YAE1: variants seen among roughly 807,000 people sequenced by gnomAD.
YAE1 encodes the protein protein YAE1 homolog.
YAE1 carries 22 observed loss-of-function variants against 23.0 expected under a neutral mutation model. That is an observed-to-expected ratio of 0.96 (90% confidence interval 0.68 to 1.37). The LOEUF (loss-of-function observed/expected upper bound fraction) is 1.37. YAE1 is among the 40% of genes most tolerant of loss of function. YAE1 has a pLI of 0.00. For missense variants in YAE1, 260 were observed against 262.1 expected (o/e 0.99, Z 0.06); for synonymous variants, 101 against 97.0 (o/e 1.04, Z -0.24).
chr7:39,594,201 G>A (rs1329810180), intron 2 of YAE1, among the ~76,000 whole-genome samples: 1 of 152,214 alleles, frequency 6.6e-6, no homozygotes, highest in Non-Finnish European at 1.5e-5. Flanking sequence ...CACAGGGATA[G>A]TGCAGGAATC....
At chr7:39,584,497 AAC>A (rs1790785321) in intron 2 of YAE1, among the ~76,000 whole-genome samples, 1 of 150,312 alleles carries the variant, frequency 6.7e-6, no homozygotes, top group South Asian at 2.1e-4. Context: ...TTTAAATGTA[AAC>A]ACAGTATTTT....
intron 2 of YAE1, among the ~76,000 whole-genome samples, chr7:39,608,286 A>G (rs1791158691): frequency 6.6e-6 from 1 of 152,250 alleles, no homozygotes. Context: ...TATTCAGCAC[A>G]GCACCCTAGG....
At chr7:39,608,252 A>G (rs1791158253) in intron 2 of YAE1, among the ~76,000 whole-genome samples, 1 of 152,252 alleles carries the variant, frequency 6.6e-6, no homozygotes, top group South Asian at 2.1e-4. Flanking sequence ...AAGCCTTTCA[A>G]TAATTTATTT....
intron 2 of YAE1, among the ~76,000 whole-genome samples, chr7:39,586,587 T>C (rs1349053449): frequency 6.6e-6 from 1 of 150,668 alleles, no homozygotes; most frequent in East Asian, 2.0e-4. Flanking sequence ...AAGCTCCGCC[T>C]CCCAGGTTGA....
At chr7:39,604,243 A>T (rs1169239096) in intron 2 of YAE1, among the ~76,000 whole-genome samples, 1 of 152,224 alleles carries the variant, frequency 6.6e-6, no homozygotes, top group East Asian at 1.9e-4. Context: ...CTTTTGAAAA[A>T]TTTGGAAACC....
intron 1 of YAE1, among the ~76,000 whole-genome samples, chr7:39,567,492 C>T (rs1411422679): frequency 6.6e-6 from 1 of 152,076 alleles, no homozygotes; most frequent in Non-Finnish European, 1.5e-5. Flanking sequence ...TTTCCTCTCT[C>T]TGCTTTGCCC....
intron 1 of YAE1, among the ~76,000 whole-genome samples, chr7:39,567,875 T>A (rs1790499745): frequency 6.6e-6 from 1 of 152,164 alleles, no homozygotes; most frequent in African/African-American, 2.4e-5. Flanking sequence ...GTATTTATGG[T>A]TTTCCCCCTT....
At chr7:39,597,970 C>T (rs1047722727) in intron 2 of YAE1, among the ~76,000 whole-genome samples, 5 of 151,826 alleles carry the variant, frequency 3.3e-5, no homozygotes, top group South Asian at 2.1e-4. Context: ...TCTTTTTTTT[C>T]TTTTTTCTTT....
chr7:39,572,393 C>T lies in YAE1; in HGVS notation c.368C>T (p.Ser123Leu), dbSNP rs79951226. 1.1e-3 allele frequency: 1,765 copies of T among 1,614,122 alleles called. 10 individuals carry two copies. The East Asian group carries it at 0.013, about 12-fold the overall frequency. Residue 123 changes from serine to leucine, a missense_variant, in exon 3 of 3, where the codon TCA (serine) becomes TTA (leucine). Physicochemically the swap from Ser to Leu is moderately radical, Grantham distance 145. Transcript: ENST00000223273. ...GAGTATGTGCTCAAACATCTGAAAT[C>T]AATCACTCCACCGTCCCATGTTGTA... ...CEEYVLKHLK[S>L]ITPPSHVVDL...
At chr7:39,599,117 A>G (rs1198233885) in intron 2 of YAE1, among the ~76,000 whole-genome samples, 1 of 151,936 alleles carries the variant, frequency 6.6e-6, no homozygotes, top group African/African-American at 2.4e-5. Flanking sequence ...GTGCATGGCT[A>G]TAATCCCAGC....
downstream of YAE1, among the ~76,000 whole-genome samples, chr7:39,577,411 A>G (rs1294333052): frequency 1.3e-5 from 2 of 152,164 alleles, no homozygotes; most frequent in Admixed American, 6.5e-5. Flanking sequence ...CGAGGCCGGA[A>G]CCGGCTCCCT....
At chr7:39,599,807 T>A (rs1366368668) in intron 2 of YAE1, among the ~76,000 whole-genome samples, 1 of 152,068 alleles carries the variant, frequency 6.6e-6, no homozygotes, top group Non-Finnish European at 1.5e-5. Flanking sequence ...CAGGCTGGTC[T>A]TGGACTCCTG....
At chr7:39,579,976 T>C (rs117192921) in intron 2 of YAE1, among the ~76,000 whole-genome samples, 2,023 of 151,622 alleles carry the variant, frequency 0.013, 23 homozygotes, top group Middle Eastern at 0.034. Context: ...GCCCAGGAGC[T>C]TGAGGCTGCA....
downstream of YAE1, among the ~76,000 whole-genome samples, chr7:39,575,282 C>T (rs569160848): frequency 3.6e-4 from 55 of 152,274 alleles, no homozygotes; most frequent in African/African-American, 1.3e-3. Flanking sequence ...AGGAAGCCCA[C>T]AGAACCACAC....
chr7:39,594,259 T>C (rs979092387), intron 2 of YAE1, among the ~76,000 whole-genome samples: 1 of 152,186 alleles, frequency 6.6e-6, no homozygotes, highest in Non-Finnish European at 1.5e-5. Flanking sequence ...GGGCTCCTCA[T>C]CTGTGGCTTT....
chr7:39,608,228 T>G (rs1233996532), intron 2 of YAE1, among the ~76,000 whole-genome samples: 1 of 152,240 alleles, frequency 6.6e-6, no homozygotes, highest in Non-Finnish European at 1.5e-5. Context: ...AAATGCCATT[T>G]GCCTATAGTT....
chr7:39,605,615 C>T (rs1791118701), intron 2 of YAE1, among the ~76,000 whole-genome samples: 1 of 152,194 alleles, frequency 6.6e-6, no homozygotes, highest in Non-Finnish European at 1.5e-5. Flanking sequence ...TCTCCTGGTT[C>T]TCAGGCTCTC....
At chr7:39,575,318 C>T (rs1790636240), downstream of YAE1, among the ~76,000 whole-genome samples, 1 of 152,178 alleles carries the variant, frequency 6.6e-6, no homozygotes, top group Non-Finnish European at 1.5e-5. Flanking sequence ...GTTACTAGAA[C>T]TGCTGAGGCC....
At chr7:39,593,173 A>ATTT (rs1790924411) in intron 2 of YAE1, among the ~76,000 whole-genome samples, 4 of 40,050 alleles carry the variant, frequency 1.0e-4, no homozygotes, top group Admixed American at 3.1e-4. Context: ...CCATTTGGTT[A>ATTT]TTTCTTTTTT....
Sources: gnomAD v4.1 joint callset for allele counts (sites outside exome capture counted in the v4.1 genomes callset) on GRCh38, gnomAD v4.1.1 for gene constraint, MANE v1.5 for transcripts, NCBI Gene and HGNC (gene_info 2026-07-23, HGNC 2026-07-21) for gene names.